HIP1R: variants seen among roughly 807,000 people sequenced by gnomAD.
The protein encoded by HIP1R is huntingtin-interacting protein 1-related protein.
HIP1R carries 135 observed loss-of-function variants against 144.2 expected under a neutral mutation model. The ratio of observed to expected loss-of-function variants is 0.94; its 90% confidence interval spans 0.81 to 1.08. The LOEUF (loss-of-function observed/expected upper bound fraction) is 1.08, where lower values mean the gene tolerates loss of function less well. Ranked by LOEUF, HIP1R falls within the 50% of genes least tolerant of loss-of-function variation. The probability of loss-of-function intolerance (pLI) is 0.00; values close to 1 mark genes in which losing one functional copy is unlikely to be tolerated. For synonymous variants in HIP1R, 698 were observed against 612.8 expected (o/e 1.14, Z -2.05); for missense variants, 1,462 against 1,432.8 (o/e 1.02, Z -0.33).
At position 122,848,771 on chromosome 12, in the gene HIP1R, C is replaced by G. The variant is rs749919060; in HGVS notation, c.301-25C>G. The G allele has an allele frequency of 8.1e-6, 13 of 1,612,692 alleles. No individual in the cohort carries two copies. In the East Asian group the frequency reaches 1.3e-4, roughly 17 times the overall value. ...TGCCACACGGTCCTGGACACTCCCC[C>G]ACTCCCGTATTCCCTGCGCTGCAGG... is the stretch of plus-strand genomic sequence containing the variant. On this transcript the variant is annotated intron_variant, in intron 3 of 31. Coordinates refer to ENST00000253083, the MANE Select transcript of HIP1R (RefSeq NM_003959.3).
intron 2 of HIP1R, 72 bp downstream of exon 2, chr12:122,848,166 T>G: frequency 1.3e-6 from 2 of 1,497,578 alleles, no homozygotes; most frequent in Non-Finnish European, 1.9e-6. Flanking sequence ...GCAGGTGGCC[T>G]GCGGTCAGCT....
chr12:122,850,838 C>G lies in HIP1R; in HGVS notation c.442C>G (p.Pro148Ala), dbSNP rs1566106678. The part of the protein sequence containing the change: ...LTKISFHLKH[P>A]QFPAGLEVTD... ...TGGGTGGGGGTTCTCTCCACAGCAT[C>G]CCCAGTTTCCCGCGGGCCTGGAGGT... is the stretch of plus-strand genomic sequence containing the variant. The change falls in exon 6 of 32, where the codon CCC (proline) becomes GCC (alanine). Residue 148 changes from proline to alanine, a missense_variant. By Grantham distance (27) the Pro-to-Ala change is conservative. Around this residue, in one of 2 missense-constraint regions of HIP1R, gnomAD observed 350 missense variants for 421.1 expected, o/e 0.83. Transcript: ENST00000253083. The G allele has an allele frequency of 7.5e-6, 12 of 1,608,542 alleles. No individual in the cohort carries two copies. The highest frequency in any genetic ancestry group is 9.3e-6 in the Non-Finnish European group (11 of 1,178,220).
At chr12:122,857,938 G>A in intron 18 of HIP1R, 164 bp from the exon 19 acceptor site, 1 of 560,824 alleles carries the variant, frequency 1.8e-6, no homozygotes, top group Non-Finnish European at 3.1e-6. Flanking sequence ...TTATTCTTGA[G>A]CTGTGCACTG....
Position 122,848,718 on chromosome 12 carries a change from C to T in HIP1R, c.301-78C>T, listed in dbSNP as rs1267236786. 6.9e-6 allele frequency: 11 copies of T among 1,599,760 alleles called. No homozygotes were observed. The Middle Eastern group carries it at 6.7e-4, about 98-fold the overall frequency. On this transcript the variant is annotated intron_variant, in intron 3 of 31. Transcript: ENST00000253083. Reference sequence around the variant, plus strand: ...TAGCTCCGGGCTGTTCCTCCCGCCTCGGGTGGGGAGTGCGTGTCTCAGGGC... The same window carrying T: ...TAGCTCCGGGCTGTTCCTCCCGCCTTGGGTGGGGAGTGCGTGTCTCAGGGC...
chr12:122,861,638 C>T, intron 31 of HIP1R, 68 bp from the exon 32 acceptor site: 4 of 1,596,136 alleles, frequency 2.5e-6, no homozygotes, highest in Non-Finnish European at 2.6e-6. Context: ...GAGGAGCTTG[C>T]TCAAGGGAGA....
rs1181495996 is a variant in HIP1R, at chr12:122,861,155, C to A, written c.2915C>A (p.Ser972Tyr). 1 of 1,613,132 alleles carries A rather than the reference C, an allele frequency of 6.2e-7. No individual in the cohort carries two copies. Among genetic ancestry groups the A allele is most frequent in the Admixed American group, 1.7e-5 (1 of 59,970 alleles). The change falls in exon 30 of 32, where the codon TCC becomes TAC. Residue 972 changes from serine to tyrosine, a missense_variant. Coordinates refer to ENST00000253083, the MANE Select transcript of HIP1R (RefSeq NM_003959.3). ...GACACCATGGATTTCTCCGGCCTGT[C>A]CCTCATCAAGCTGAAGAAGCAGGAG... Reference protein sequence around the residue: ...DRDTMDFSGLSLIKLKKQEME... With the variant: ...DRDTMDFSGLYLIKLKKQEME...
chr12:122,852,203 C>T (rs2033420696), intron 7 of HIP1R, among the ~76,000 whole-genome samples: 1 of 152,218 alleles, frequency 6.6e-6, no homozygotes, highest in South Asian at 2.1e-4. Flanking sequence ...CTCCCTGAGT[C>T]CCCAGGTCTG....
intron 1 of HIP1R, among the ~76,000 whole-genome samples, chr12:122,844,294 G>A (rs770739182): frequency 1.2e-4 from 18 of 152,018 alleles, no homozygotes; most frequent in Non-Finnish European, 2.1e-4. Context: ...CACTACACCC[G>A]GCTAAGTTTT....
rs2033667110 is a variant in HIP1R at position 122,858,541 on chromosome 12, G to A, written c.2050+106G>A. 3 of 925,500 alleles carry A rather than the reference G, an allele frequency of 3.2e-6. No homozygotes were observed. The South Asian group carries it at 5.1e-5, about 16-fold the overall frequency. The allele number at this position is 925,500 out of a possible 1,614,324, so 57.3% of individuals were successfully genotyped here. ...GTTTACAGACAGCAGGGACCTCTCT[G>A]GGAAGCCAAGCAGATGCCCCCTGCC... On this transcript the variant is annotated intron_variant, in intron 20 of 31. Transcript: ENST00000253083.
At chr12:122,850,291 G>C (rs1363542326) in intron 5 of HIP1R, 1 of 524,926 alleles carries the variant, frequency 1.9e-6, no homozygotes, top group Non-Finnish European at 3.7e-6. Flanking sequence ...GTGGGCCACA[G>C]CCTGGGTCTG....
In HIP1R at chr12:122,849,398, C is replaced by T. The variant is rs551700613; in HGVS notation, c.358-477C>T. 2.0e-4 allele frequency among the ~76,000 whole-genome samples: 30 copies of T among 152,340 alleles called. No homozygotes were observed. In the South Asian group the frequency reaches 5.0e-3, roughly 25 times the overall value. Reference sequence around the variant, plus strand: ...CATAGGAGCAGGGCAGGCCCTGGACCGGGTACCCACAGGGAGGCCTGACCA... The same window carrying T: ...CATAGGAGCAGGGCAGGCCCTGGACTGGGTACCCACAGGGAGGCCTGACCA... On this transcript the variant is annotated intron_variant, in intron 4 of 31. Coordinates refer to ENST00000253083, the MANE Select transcript of HIP1R (RefSeq NM_003959.3).
chr12:122,842,511 G>C (rs1296470503), intron 1 of HIP1R, among the ~76,000 whole-genome samples: 2 of 152,190 alleles, frequency 1.3e-5, no homozygotes, highest in African/African-American at 4.8e-5. Flanking sequence ...GTTGGTTTGG[G>C]CCTAGAGATA....
In HIP1R at chr12:122,859,701, G is replaced by A. The variant is rs1350932970; in HGVS notation, c.2407-71G>A. 4 of 1,541,278 alleles carry A rather than the reference G, an allele frequency of 2.6e-6. No individual in the cohort carries two copies. In the African/African-American group the frequency reaches 5.4e-5, roughly 21 times the overall value. On this transcript the variant is annotated intron_variant, in intron 23 of 31. Transcript: ENST00000253083. Reference sequence around the variant, plus strand: ...TGAGGTCAGAGCTGAGAGGGCAGGAGGCAGCCCTGGCTTTCCCAGGACCAC... The same window carrying A: ...TGAGGTCAGAGCTGAGAGGGCAGGAAGCAGCCCTGGCTTTCCCAGGACCAC...
Position 122,836,535 on chromosome 12 carries a change from G to A in HIP1R, c.93+892G>A, listed in dbSNP as rs2072111380. Among the ~76,000 whole-genome samples the A allele has an allele frequency of 6.6e-6, 1 of 152,128 alleles. No homozygotes were observed. Among genetic ancestry groups the A allele is most frequent in the Admixed American group, 6.5e-5 (1 of 15,270 alleles). On this transcript the variant is annotated intron_variant, in intron 1 of 31. Coordinates refer to ENST00000253083, the MANE Select transcript of HIP1R (RefSeq NM_003959.3). The surrounding 1 kb of genome is among the most constrained non-coding windows in gnomAD (Gnocchi z 4.1). ...GTTGCTTTTTATTTTACAAACTCTT[G>A]AAGTGCTCTCAGGCTTGGGGGATGG...
intron 22 of HIP1R, 45 bp from the exon 23 acceptor site, chr12:122,859,381 G>A (rs752493293): frequency 1.5e-5 from 22 of 1,477,140 alleles, no homozygotes; most frequent in Middle Eastern, 1.7e-4. Flanking sequence ...CCCGTGGGAC[G>A]GGGGGGGACG....
At chr12:122,851,587 C>T (rs550609708) in intron 7 of HIP1R, among the ~76,000 whole-genome samples, 3 of 152,142 alleles carry the variant, frequency 2.0e-5, no homozygotes, top group South Asian at 4.2e-4. Context: ...GTATTCCCAG[C>T]TACTTGGGAG....
chr12:122,854,753 C>T, intron 8 of HIP1R, 152 bp from the exon 9 acceptor site: 1 of 732,204 alleles, frequency 1.4e-6, no homozygotes, highest in Non-Finnish European at 2.3e-6. Flanking sequence ...GCGTCTCCCA[C>T]AGGTCTCCCC....
In HIP1R at chr12:122,836,110, C is replaced by T. The variant is rs184035869; in HGVS notation, c.93+467C>T. Among the ~76,000 whole-genome samples the T allele has an allele frequency of 7.0e-3, 1,066 of 152,210 alleles. 54 individuals carry two copies. The highest frequency in any genetic ancestry group is 0.064 in the Admixed American group (972 of 15,298). On this transcript the variant is annotated intron_variant, in intron 1 of 31. Coordinates refer to ENST00000253083, the MANE Select transcript of HIP1R (RefSeq NM_003959.3). The surrounding 1 kb of genome is among the most constrained non-coding windows in gnomAD (Gnocchi z 4.1). ...CCTTCCGTGCCGCTCCTTGCCGGCTCCTGCCCCCGTCTCCTACCCCCTGAA... is the reference window on the plus strand; with the variant it reads ...CCTTCCGTGCCGCTCCTTGCCGGCTTCTGCCCCCGTCTCCTACCCCCTGAA...
At chr12:122,859,977 C>T in intron 24 of HIP1R, 70 bp from the exon 25 acceptor site, 1 of 1,501,910 alleles carries the variant, frequency 6.7e-7, no homozygotes, top group Admixed American at 2.1e-5. Flanking sequence ...CCTGATGTGG[C>T]CAGGCCCGCC....
Sources: allele counts gnomAD v4.1 joint callset (sites outside exome capture counted in the v4.1 genomes callset), GRCh38; gene constraint gnomAD v4.1.1; regional missense constraint gnomAD v4.1.1; non-coding constraint Gnocchi (gnomAD v3.1); transcripts MANE v1.5; gene names NCBI Gene and HGNC (gene_info 2026-07-23, HGNC 2026-07-21).